Variants in NAALADL2 observed in about 807,000 individuals in gnomAD.
NAALADL2 encodes inactive N-acetylated-alpha-linked acidic dipeptidase-like protein 2.
Under a neutral mutation model 87.2 loss-of-function variants are expected in NAALADL2, and 76 were observed. The observed-to-expected ratio is 0.87, with a 90% confidence interval of 0.72 to 1.05. The LOEUF is 1.05. Ranked by LOEUF, NAALADL2 falls within the 50% of genes least tolerant of loss-of-function variation. NAALADL2 has a pLI of 0.00. For missense variants in NAALADL2, 1,089 were observed against 945.8 expected (o/e 1.15, Z -1.99); for synonymous variants, 354 against 331.0 (o/e 1.07, Z -0.75).
At chr3:175,323,279 A>G (rs1760172576) in intron 4 of NAALADL2, among the ~76,000 whole-genome samples, 10 of 135,888 alleles carry the variant, frequency 7.4e-5, no homozygotes, top group Non-Finnish European at 1.3e-4. Context: ...ATAGGTGGGA[A>G]TTGAACAATG....
At chr3:175,423,570 T>A (rs2149131928) in intron 5 of NAALADL2, among the ~76,000 whole-genome samples, 1 of 152,232 alleles carries the variant, frequency 6.6e-6, no homozygotes, top group African/African-American at 2.4e-5. Flanking sequence ...TCCAGCTTCA[T>A]CCATGTCCCT....
chr3:175,613,563 A>G (rs1260269648), intron 10 of NAALADL2, among the ~76,000 whole-genome samples: 3 of 152,348 alleles, frequency 2.0e-5, no homozygotes, highest in Admixed American at 6.5e-5. Flanking sequence ...ATAGAAATGC[A>G]TAATTTATCC....
intron 3 of NAALADL2, among the ~76,000 whole-genome samples, chr3:174,766,629 A>G (rs1351106604): frequency 6.6e-6 from 1 of 152,122 alleles, no homozygotes; most frequent in Non-Finnish European, 1.5e-5. Context: ...TCTTTCTACT[A>G]TTATCTTTAT....
intron 1 of NAALADL2, among the ~76,000 whole-genome samples, chr3:174,966,254 T>C (rs1335752930): frequency 1.3e-5 from 2 of 151,704 alleles, no homozygotes; most frequent in African/African-American, 4.8e-5. Context: ...AGCACTTAGA[T>C]TTTCTCCCTC....
At chr3:175,215,853 C>T (rs767778937) in intron 2 of NAALADL2, among the ~76,000 whole-genome samples, 1 of 152,032 alleles carries the variant, frequency 6.6e-6, no homozygotes, top group Non-Finnish European at 1.5e-5. Flanking sequence ...GAAAGTAAGA[C>T]TGAATGGATG....
At chr3:174,744,393 GAACT>G (rs1397397407) in intron 3 of NAALADL2, among the ~76,000 whole-genome samples, 7 of 151,920 alleles carry the variant, frequency 4.6e-5, no homozygotes, top group African/African-American at 1.7e-4. Flanking sequence ...TCAACAAGAA[GAACT>G]AACAATCCTA....
intron 2 of NAALADL2, among the ~76,000 whole-genome samples, chr3:174,587,973 C>T (rs1716915741): frequency 6.6e-6 from 1 of 152,130 alleles, no homozygotes; most frequent in Non-Finnish European, 1.5e-5. Flanking sequence ...AGTTTTCCAA[C>T]TTGGTTCAAT....
intron 1 of NAALADL2, among the ~76,000 whole-genome samples, chr3:175,060,411 C>T (rs1453842936): frequency 6.6e-6 from 1 of 152,174 alleles, no homozygotes; most frequent in Non-Finnish European, 1.5e-5. Context: ...AGAAAGGTTA[C>T]AGAGTGTGAG....
chr3:175,174,885 C>A (rs1025809346), intron 2 of NAALADL2, among the ~76,000 whole-genome samples: 1 of 151,718 alleles, frequency 6.6e-6, no homozygotes, highest in African/African-American at 2.4e-5. Context: ...AATAGAACTG[C>A]AAACAGAGAA....
At position 175,217,012 on chromosome 3, in the gene NAALADL2, A is replaced by G. The variant is rs1580972591; in HGVS notation, c.546-16919A>G. Among the ~76,000 whole-genome samples, 6 of 152,312 alleles carry G rather than the reference A, an allele frequency of 3.9e-5. 1 individual carries two copies. In the South Asian group the frequency reaches 1.0e-3, roughly 26 times the overall value. ...AAAACACAAGATATGGGAACACCCA[A>G]TGTAATTTGAAGGAAACAAGTTTTC... On this transcript the variant is annotated intron_variant, in intron 2 of 13. Coordinates refer to ENST00000454872, the MANE Select transcript of NAALADL2 (RefSeq NM_207015.3).
intron 1 of NAALADL2, among the ~76,000 whole-genome samples, chr3:174,447,160 C>G (rs1715119635): frequency 6.6e-6 from 1 of 152,224 alleles, no homozygotes; most frequent in East Asian, 1.9e-4. Flanking sequence ...TACATAATTC[C>G]TACATCAGCC....
In NAALADL2 at chr3:174,588,534, G is replaced by T. The variant is rs191566643; in HGVS notation, c.-115+37897G>T. Among the ~76,000 whole-genome samples the T allele has an allele frequency of 2.0e-5, 3 of 152,206 alleles. No homozygotes were observed. The East Asian group carries it at 5.8e-4, about 29-fold the overall frequency. Reference sequence around the variant, plus strand: ...TATCTACCTTTGGTCTTTGATGATGGTGACATACAGATGGGGTTTTGGTGT... The same window carrying T: ...TATCTACCTTTGGTCTTTGATGATGTTGACATACAGATGGGGTTTTGGTGT... On this transcript the variant is annotated intron_variant, in intron 2 of 3. Coordinates refer to the NAALADL2 transcript ENST00000434257.
At chr3:175,636,150 G>A (rs999503913) in intron 11 of NAALADL2, among the ~76,000 whole-genome samples, 4 of 151,850 alleles carry the variant, frequency 2.6e-5, no homozygotes, top group African/African-American at 7.3e-5. Flanking sequence ...GATTTTCAGC[G>A]CTAATCACAC....
At chr3:175,797,392 G>A (rs1753626052) in intron 13 of NAALADL2, among the ~76,000 whole-genome samples, 1 of 152,112 alleles carries the variant, frequency 6.6e-6, no homozygotes, top group Admixed American at 6.5e-5. Context: ...ATGCAAATAA[G>A]ATAGTGATTT....
chr3:175,430,474 T>G (rs939864385), intron 5 of NAALADL2, among the ~76,000 whole-genome samples: 1 of 151,964 alleles, frequency 6.6e-6, no homozygotes, highest in African/African-American at 2.4e-5. Context: ...AAGGGAATAT[T>G]TCATCTTTTT....
chr3:174,851,848 A>G (rs1560287052), intron 3 of NAALADL2, among the ~76,000 whole-genome samples: 1 of 152,100 alleles, frequency 6.6e-6, no homozygotes, highest in Non-Finnish European at 1.5e-5. Flanking sequence ...AGCAAACTGA[A>G]TTCAACAACA....
chr3:174,657,041 CTTT>C (rs60569510), intron 2 of NAALADL2, among the ~76,000 whole-genome samples: 5 of 115,810 alleles, frequency 4.3e-5, no homozygotes, highest in African/African-American at 1.1e-4. Context: ...TTTCCTTCTT[CTTT>C]TTTTTTTTTT....
At chr3:175,144,671 C>T (rs11716825) in intron 2 of NAALADL2, among the ~76,000 whole-genome samples, 49,926 of 151,664 alleles carry the variant, frequency 0.33, 8,291 homozygotes, top group South Asian at 0.35. Flanking sequence ...ATCTCCGTCA[C>T]TTTTTTCCTT....
At chr3:174,740,613 A>G (rs569579812) in intron 3 of NAALADL2, among the ~76,000 whole-genome samples, 13 of 151,998 alleles carry the variant, frequency 8.6e-5, no homozygotes, top group African/African-American at 3.1e-4. Context: ...TATAATCAAA[A>G]TCTAATTTAA....
Sources: gnomAD v4.1 joint callset for allele counts (sites outside exome capture counted in the v4.1 genomes callset) on GRCh38, gnomAD v4.1.1 for gene constraint, MANE v1.5 for transcripts, NCBI Gene and HGNC (gene_info 2026-07-23, HGNC 2026-07-21) for gene names.